Variants in DCAF8L2 observed in about 807,000 individuals in gnomAD.
DCAF8L2 encodes the protein DDB1- and CUL4-associated factor 8-like protein 2.
For missense variants in DCAF8L2, 430 were observed against 490.7 expected (o/e 0.88, Z 1.17); for synonymous variants, 200 against 190.9 (o/e 1.05, Z -0.39).
At chrX:27,745,460 G>A (rs1922113326) in intron 4 of DCAF8L2, among the ~76,000 whole-genome samples, 1 of 112,034 alleles carries the variant, frequency 8.9e-6, no homozygotes, top group Non-Finnish European at 1.9e-5. Context: ...TTCTAGTCTA[G>A]TCATTCTCAC....
chrX:27,513,426 G>T, the DCAF8L2 span, among the ~76,000 whole-genome samples: 1 of 111,668 alleles, frequency 9.0e-6, no homozygotes, highest in African/African-American at 3.3e-5. Flanking sequence ...AATGAGTCAG[G>T]GTGGGCATGG....
chrX:27,606,334 A>C (rs189800740), intron 1 of DCAF8L2, among the ~76,000 whole-genome samples: 4,088 of 54,087 alleles, frequency 0.076, 224 homozygotes, highest in Non-Finnish European at 0.087. Context: ...ATATATATAT[A>C]TAGGAATTAT....
At chrX:27,505,491 T>G in the DCAF8L2 span, among the ~76,000 whole-genome samples, 1 of 112,160 alleles carries the variant, frequency 8.9e-6, no homozygotes, top group Non-Finnish European at 1.9e-5. Flanking sequence ...TATTTCTTAT[T>G]ATTTATCTTT....
chrX:27,667,216 T>C (rs908458885), intron 2 of DCAF8L2, among the ~76,000 whole-genome samples: 2 of 111,594 alleles, frequency 1.8e-5, no homozygotes, highest in Non-Finnish European at 3.8e-5. Flanking sequence ...GATACAGATG[T>C]TGACCTACTG....
the DCAF8L2 span, among the ~76,000 whole-genome samples, chrX:27,577,688 C>A: frequency 9.0e-6 from 1 of 111,318 alleles, no homozygotes; most frequent in African/African-American, 3.3e-5. Flanking sequence ...AGCTGATAAG[C>A]AACTTCAGCA....
intron 1 of DCAF8L2, among the ~76,000 whole-genome samples, chrX:27,596,132 G>A (rs1410380539): frequency 1.8e-5 from 2 of 112,287 alleles, no homozygotes; most frequent in Non-Finnish European, 3.8e-5. Flanking sequence ...TTGTAAAAAA[G>A]TTAATTTGTA....
chrX:27,602,117 C>G (rs897029958), intron 1 of DCAF8L2, among the ~76,000 whole-genome samples: 2 of 111,010 alleles, frequency 1.8e-5, no homozygotes, highest in African/African-American at 6.6e-5. Context: ...AGTGCAGTAG[C>G]GCAAGTCTCC....
At chrX:27,545,488 T>C in the DCAF8L2 span, among the ~76,000 whole-genome samples, 29 of 111,944 alleles carry the variant, frequency 2.6e-4, no homozygotes, top group Admixed American at 3.8e-4. Context: ...GATGCTGATA[T>C]GGTATTGCTT....
chrX:27,668,258 T>A (rs768558045), intron 2 of DCAF8L2, among the ~76,000 whole-genome samples: 1 of 112,054 alleles, frequency 8.9e-6, no homozygotes, highest in Non-Finnish European at 1.9e-5. Context: ...TTTGTCAGCA[T>A]ATAAGATGCA....
At chrX:27,575,731 C>T in the DCAF8L2 span, among the ~76,000 whole-genome samples, 1 of 111,858 alleles carries the variant, frequency 8.9e-6, no homozygotes, top group Non-Finnish European at 1.9e-5. Context: ...AGCAGAAATT[C>T]CAGTCAGAAA....
the DCAF8L2 span, among the ~76,000 whole-genome samples, chrX:27,526,070 C>T: frequency 9.0e-6 from 1 of 111,705 alleles, no homozygotes; most frequent in East Asian, 2.8e-4. Flanking sequence ...TGAATGTTGG[C>T]CTGCCTTACT....
At chrX:27,571,603 C>T in the DCAF8L2 span, among the ~76,000 whole-genome samples, 1 of 111,680 alleles carries the variant, frequency 9.0e-6, no homozygotes, top group South Asian at 3.7e-4. Flanking sequence ...TTGAAGAGGT[C>T]AAGTATAGAT....
the DCAF8L2 span, among the ~76,000 whole-genome samples, chrX:27,545,081 G>A: frequency 9.0e-6 from 1 of 111,672 alleles, no homozygotes; most frequent in African/African-American, 3.3e-5. Flanking sequence ...CTGGGATGAA[G>A]AAGCTGGAAA....
At chrX:27,702,961 C>A (rs2147270157) in intron 3 of DCAF8L2, among the ~76,000 whole-genome samples, 1 of 111,228 alleles carries the variant, frequency 9.0e-6, no homozygotes, top group Admixed American at 9.6e-5. Flanking sequence ...GGAATCCACT[C>A]GAAAACTATA....
the DCAF8L2 span, among the ~76,000 whole-genome samples, chrX:27,527,663 CG>C: frequency 2.7e-5 from 3 of 109,815 alleles, no homozygotes; most frequent in African/African-American, 9.9e-5. Context: ...TTGGAACCTC[CG>C]GATTTTTTTT....
At chrX:27,625,238 T>G (rs1456131484) in intron 1 of DCAF8L2, among the ~76,000 whole-genome samples, 1 of 111,925 alleles carries the variant, frequency 8.9e-6, no homozygotes, top group Admixed American at 9.5e-5. Flanking sequence ...AACAAGCATA[T>G]GAAAAAGTGC....
the DCAF8L2 span, among the ~76,000 whole-genome samples, chrX:27,537,942 C>T: frequency 8.9e-6 from 1 of 111,851 alleles, no homozygotes; most frequent in African/African-American, 3.2e-5. Context: ...AATATTATTT[C>T]ACCATATGAT....
intron 1 of DCAF8L2, among the ~76,000 whole-genome samples, chrX:27,598,245 A>T (rs1926449886): frequency 8.9e-6 from 1 of 112,843 alleles, no homozygotes; most frequent in Non-Finnish European, 1.9e-5. Context: ...AATCATAAAA[A>T]AGTCAGTGTG....
the DCAF8L2 span, among the ~76,000 whole-genome samples, chrX:27,524,484 C>G: frequency 7.1e-3 from 789 of 111,031 alleles, 4 homozygotes; most frequent in Non-Finnish European, 0.011. Flanking sequence ...AAACCAGCTC[C>G]TGGATTCATT....
Sources: gnomAD v4.1 joint callset for allele counts (sites outside exome capture counted in the v4.1 genomes callset) on GRCh38, gnomAD v4.1.1 for gene constraint, MANE v1.5 for transcripts, NCBI Gene and HGNC (gene_info 2026-07-23, HGNC 2026-07-21) for gene names.